Variants in BSPH1 observed in about 807,000 individuals in gnomAD.
The protein encoded by BSPH1 is binder of sperm 1.
BSPH1 carries 21 observed loss-of-function variants against 22.5 expected under a neutral mutation model. The ratio of observed to expected loss-of-function variants is 0.93; its 90% confidence interval spans 0.66 to 1.35. The LOEUF (loss-of-function observed/expected upper bound fraction) is 1.35, where lower values mean the gene tolerates loss of function less well. Among genes scored for constraint, BSPH1 ranks in the 40% most tolerant of loss-of-function variants. BSPH1 has a pLI of 0.00. For missense variants in BSPH1, 141 were observed against 154.2 expected (o/e 0.91, Z 0.45); for synonymous variants, 42 against 53.6 (o/e 0.78, Z 0.95).
rs200534985 is a variant in BSPH1, at chr19:47,974,271, T to C, written c.*2+2439A>G. ...ACAGCCACTTTCTCTCTCTCTCTCT[T>C]TTTTTTTTTTTTTTTTGAGATGGAG... is the stretch of plus-strand genomic sequence containing the variant. On this transcript the variant is annotated intron_variant, in intron 5 of 5. Transcript: ENST00000344839. Among the ~76,000 whole-genome samples, 72 of 93,894 alleles carry C rather than the reference T, an allele frequency of 7.7e-4. No homozygotes were observed. The South Asian group carries it at 0.02, about 26-fold the overall frequency. 61.6% of individuals were successfully genotyped at this position (93,894 alleles called of 152,430 possible).
chr19:47,989,150 T>TTATTAG (rs1215480471), intron 1 of BSPH1, among the ~76,000 whole-genome samples: 2 of 136,200 alleles, frequency 1.5e-5, no homozygotes, highest in Non-Finnish European at 3.1e-5. Context: ...ATTATTATTA[T>TTATTAG]TATTATTATT....
intron 1 of BSPH1, among the ~76,000 whole-genome samples, chr19:47,991,630 C>T (rs28539875): frequency 0.013 from 738 of 55,296 alleles, 8 homozygotes; most frequent in Non-Finnish European, 0.02. Flanking sequence ...CTCTTCCCTC[C>T]TCCTCCTCCT....
intron 5 of BSPH1, among the ~76,000 whole-genome samples, chr19:47,971,367 A>G (rs968203111): frequency 1.3e-5 from 2 of 152,034 alleles, no homozygotes; most frequent in Non-Finnish European, 2.9e-5. Flanking sequence ...CACCAAGCCC[A>G]GCTAGTTTTC....
intron 1 of BSPH1, among the ~76,000 whole-genome samples, chr19:47,982,751 T>G (rs992758960): frequency 3.9e-5 from 6 of 152,146 alleles, no homozygotes; most frequent in Admixed American, 1.3e-4. Context: ...GGTAGACACA[T>G]ACAATGGAGT....
At chr19:47,980,815 A>C (rs1277058716) in intron 2 of BSPH1, 106 bp downstream of exon 2, 8 of 649,654 alleles carry the variant, frequency 1.2e-5, no homozygotes, top group Non-Finnish European at 2.1e-5. Context: ...AGTAATCTTT[A>C]ATGAAAAGTA....
At position 47,977,445 on chromosome 19, in the gene BSPH1, A is replaced by G; in HGVS notation, c.184T>C (p.Ser62Pro). The G allele has an allele frequency of 6.4e-7, 1 of 1,551,956 alleles. No homozygotes were observed. Reference protein sequence around the residue: ...KNGTYYDCIKSKARHKWCSLN... With the variant: ...KNGTYYDCIKPKARHKWCSLN... Reference sequence around the variant, plus strand: ...GAGCACCACTTGTGTCTTGCCTTGGACTTGATGCAGTCATAATATGTTCCA... The same window carrying G: ...GAGCACCACTTGTGTCTTGCCTTGGGCTTGATGCAGTCATAATATGTTCCA... The change falls in exon 4 of 6, where the codon TCC becomes CCC. Residue 62 changes from serine to proline, a missense_variant. Ser to Pro is a moderately conservative substitution (Grantham distance 74). Transcript: ENST00000344839.
Position 47,973,218 on chromosome 19 carries a change from A to AAATAATAAT in BSPH1, c.*2+3483_*2+3491dup, listed in dbSNP as rs60548503. Among the ~76,000 whole-genome samples, 903 of 132,082 alleles carry AAATAATAAT rather than the reference A, an allele frequency of 6.8e-3. 5 individuals are homozygous for AAATAATAAT. Among genetic ancestry groups the AAATAATAAT allele is most frequent in the East Asian group, 0.012 (50 of 4,048 alleles). 86.7% of individuals were successfully genotyped at this position (132,082 alleles called of 152,430 possible). A position where few individuals can be genotyped will look rare whatever the true frequency, so the allele number is the denominator to read the frequency against. ...GGTGTCAGAGCGAGACTCCGTCTCA[A>AAATAATAAT]AATAATAATAATAATAATAATAATA... On this transcript the variant is annotated intron_variant, in intron 5 of 5. Coordinates refer to ENST00000344839, the MANE Select transcript of BSPH1 (RefSeq NM_001128326.2).
intron 1 of BSPH1, among the ~76,000 whole-genome samples, chr19:47,984,171 T>G (rs1484505190): frequency 1.4e-5 from 2 of 145,468 alleles, no homozygotes; most frequent in East Asian, 1.9e-4. Flanking sequence ...AAAATATATA[T>G]ATATATATAA....
At chr19:47,976,593 AAAAC>A (rs374493501) in intron 5 of BSPH1, 113 bp downstream of exon 5, 7,693 of 625,732 alleles carry the variant, frequency 0.012, 95 homozygotes, top group African/African-American at 0.046. Flanking sequence ...AAAAAAAAAA[AAAAC>A]AAAAAAAAAC....
Position 47,992,015 on chromosome 19 carries a change from T to A in BSPH1, c.67A>T (p.Ile23Phe). The A allele has an allele frequency of 6.5e-7, 1 of 1,545,316 alleles. No individual in the cohort carries two copies. The highest frequency in any genetic ancestry group is 8.8e-7 in the Non-Finnish European group (1 of 1,141,508). Residue 23 changes from isoleucine to phenylalanine, a missense_variant, in exon 1 of 6, where the codon ATT becomes TTT. Coordinates refer to ENST00000344839, the MANE Select transcript of BSPH1 (RefSeq NM_001128326.2). ...RNSSACIFPV[I>F]LNELSSTVET... is the part of the protein sequence containing the mutation. ...AATATAGAAAAAGAAATACTTAAAA[T>A]AACAGGGAAGATGCAAGCTGAGGAA... is the stretch of plus-strand genomic sequence containing the variant.
chr19:47,967,408 A>G (rs1160637789), downstream of BSPH1, among the ~76,000 whole-genome samples: 1 of 152,180 alleles, frequency 6.6e-6, no homozygotes, highest in Non-Finnish European at 1.5e-5. Context: ...TGGGGCTGCC[A>G]TAAAAAAGTA....
At chr19:47,970,875 G>A (rs899660484) in intron 5 of BSPH1, among the ~76,000 whole-genome samples, 3 of 152,108 alleles carry the variant, frequency 2.0e-5, no homozygotes, top group Non-Finnish European at 4.4e-5. Context: ...GCTCCTTATG[G>A]GAGGATGAAA....
intron 5 of BSPH1, among the ~76,000 whole-genome samples, chr19:47,975,294 G>A (rs1005899326): frequency 6.6e-6 from 1 of 152,142 alleles, no homozygotes; most frequent in Non-Finnish European, 1.5e-5. Context: ...GCCTCCCAAA[G>A]TGCTGGGATT....
chr19:47,990,663 A>T (rs1046665310), intron 1 of BSPH1, among the ~76,000 whole-genome samples: 1 of 152,148 alleles, frequency 6.6e-6, no homozygotes, highest in African/African-American at 2.4e-5. Flanking sequence ...ACTTAAAAGA[A>T]ATATCTGCAA....
At position 47,988,774 on chromosome 19, in the gene BSPH1, C is replaced by A. The variant is rs573414740; in HGVS notation, c.73+3235G>T. ...GTCTACACACCTGGACAGTTCTCCCCGCAAGGGACCCCACTCCCATGTAAT... is the reference window on the plus strand; with the variant it reads ...GTCTACACACCTGGACAGTTCTCCCAGCAAGGGACCCCACTCCCATGTAAT... On this transcript the variant is annotated intron_variant, in intron 1 of 5. Coordinates refer to ENST00000344839, the MANE Select transcript of BSPH1 (RefSeq NM_001128326.2). Among the ~76,000 whole-genome samples, 3 of 152,010 alleles carry A rather than the reference C, an allele frequency of 2.0e-5. No individual in the cohort carries two copies. The South Asian group carries it at 6.2e-4, about 32-fold the overall frequency.
chr19:47,986,485 T>G (rs1969472344), intron 1 of BSPH1, among the ~76,000 whole-genome samples: 1 of 152,120 alleles, frequency 6.6e-6, no homozygotes, highest in Non-Finnish European at 1.5e-5. Context: ...ACGCTTGTAA[T>G]CCCAGCACTT....
At chr19:47,974,339 G>A (rs1349407803) in intron 5 of BSPH1, among the ~76,000 whole-genome samples, 1 of 143,570 alleles carries the variant, frequency 7.0e-6, no homozygotes, top group African/African-American at 2.7e-5. Context: ...GCACGATCTC[G>A]GCTCAATGCA....
intron 1 of BSPH1, among the ~76,000 whole-genome samples, chr19:47,987,323 CA>C (rs1455787341): frequency 6.6e-6 from 1 of 151,780 alleles, no homozygotes; most frequent in Non-Finnish European, 1.5e-5. Flanking sequence ...AATGTCCCTA[CA>C]ATTTCTATTT....
At chr19:47,977,619 T>C (rs1969377572) in intron 3 of BSPH1, 115 bp from the exon 4 acceptor site, 6 of 1,466,974 alleles carry the variant, frequency 4.1e-6, no homozygotes, top group Middle Eastern at 3.6e-4. Context: ...GCTGTGGCTG[T>C]AGTAAATGTT....
Sources: gnomAD v4.1 joint callset for allele counts (sites outside exome capture counted in the v4.1 genomes callset) on GRCh38, gnomAD v4.1.1 for gene constraint, MANE v1.5 for transcripts, NCBI Gene and HGNC (gene_info 2026-07-23, HGNC 2026-07-21) for gene names.